Variants in SPON1 observed in about 807,000 individuals in gnomAD.
The protein encoded by SPON1 is spondin-1.
Under a neutral mutation model 111.7 loss-of-function variants are expected in SPON1, and 52 were observed. That is an observed-to-expected ratio of 0.47 (90% CI 0.37 to 0.59). The LOEUF (loss-of-function observed/expected upper bound fraction) is 0.59. Among genes scored for constraint, SPON1 ranks in the 20% least tolerant of loss-of-function variants. The pLI, the probability that SPON1 is intolerant of heterozygous loss-of-function variation, is 0.00. For missense variants in SPON1, 957 were observed against 1,068.5 expected, an observed-to-expected ratio of 0.90 and a Z score of 1.46; for synonymous variants, 410 against 395.8, an observed-to-expected ratio of 1.04 and a Z score of -0.43.
chr11:14,198,164 A>G (rs1554935265), intron 6 of SPON1, among the ~76,000 whole-genome samples: 1 of 152,224 alleles, frequency 6.6e-6, no homozygotes, highest in African/African-American at 2.4e-5. Context: ...TGAAAATCAC[A>G]CATAGTCCTA....
chr11:14,105,784 TCTCA>T (rs1172968613), intron 5 of SPON1, among the ~76,000 whole-genome samples: 10 of 152,200 alleles, frequency 6.6e-5, no homozygotes, highest in Non-Finnish European at 1.3e-4. Context: ...GTTCACAGGC[TCTCA>T]CTCAGACTTC....
chr11:14,198,349 G>A (rs782388663), intron 6 of SPON1, among the ~76,000 whole-genome samples: 13 of 152,194 alleles, frequency 8.5e-5, no homozygotes, highest in South Asian at 2.1e-4. Context: ...CCTTATGACC[G>A]CTCTCAAATC....
intron 2 of SPON1, among the ~76,000 whole-genome samples, chr11:14,036,745 C>T (rs1848597161): frequency 6.6e-6 from 1 of 151,482 alleles, no homozygotes; most frequent in Non-Finnish European, 1.5e-5. Flanking sequence ...GAACCTTGAG[C>T]AAGTTCAAAT....
intron 7 of SPON1, among the ~76,000 whole-genome samples, chr11:14,249,036 G>T (rs1167707218): frequency 6.6e-6 from 1 of 152,164 alleles, no homozygotes; most frequent in African/African-American, 2.4e-5. Flanking sequence ...CCATCATCCA[G>T]TTCCTCCAAT....
At chr11:13,982,799 C>G in intron 1 of SPON1, 48 bp from the exon 2 acceptor site, 1 of 1,284,768 alleles carries the variant, frequency 7.8e-7, no homozygotes, top group Non-Finnish European at 1.1e-6. Context: ...GACAAATGGA[C>G]AATAATTGAT....
intron 2 of SPON1, among the ~76,000 whole-genome samples, chr11:14,036,430 G>A (rs1369768695): frequency 1.3e-5 from 2 of 152,176 alleles, no homozygotes; most frequent in African/African-American, 2.4e-5. Flanking sequence ...AGGCAAGGAA[G>A]AGCCAAGGGT....
At chr11:14,231,696 T>C (rs977479927) in intron 6 of SPON1, among the ~76,000 whole-genome samples, 16 of 152,208 alleles carry the variant, frequency 1.1e-4, no homozygotes, top group African/African-American at 2.7e-4. Flanking sequence ...AATAGATTAC[T>C]ATACAAACTG....
intron 6 of SPON1, among the ~76,000 whole-genome samples, chr11:14,223,919 C>T (rs544154034): frequency 5.3e-5 from 8 of 152,298 alleles, no homozygotes; most frequent in Admixed American, 1.3e-4. Context: ...TTACTGATGA[C>T]GGGCTCTTTT....
At chr11:14,252,218 A>G (rs1444205241) in intron 7 of SPON1, among the ~76,000 whole-genome samples, 3 of 152,286 alleles carry the variant, frequency 2.0e-5, no homozygotes, top group African/African-American at 7.2e-5. Flanking sequence ...GAGAGGGAAC[A>G]GTGAGGAAGT....
chr11:13,970,189 CT>C, intron 1 of SPON1, among the ~76,000 whole-genome samples: 1 of 152,316 alleles, frequency 6.6e-6, no homozygotes, highest in Non-Finnish European at 1.5e-5. Flanking sequence ...AAATGCCCCA[CT>C]TTTACAGAAT....
At chr11:14,035,154 G>A (rs1469095283) in intron 2 of SPON1, among the ~76,000 whole-genome samples, 1 of 152,178 alleles carries the variant, frequency 6.6e-6, no homozygotes, top group African/African-American at 2.4e-5. Flanking sequence ...TTGGTCCAGT[G>A]TATGTGGTTT....
At chr11:14,075,944 G>A (rs1848914308) in intron 4 of SPON1, among the ~76,000 whole-genome samples, 1 of 152,140 alleles carries the variant, frequency 6.6e-6, no homozygotes, top group African/African-American at 2.4e-5. Flanking sequence ...TCTCTCCTTA[G>A]GTTGAAGGTA....
chr11:14,018,865 G>C (rs1348461677), intron 2 of SPON1, among the ~76,000 whole-genome samples: 2 of 152,188 alleles, frequency 1.3e-5, no homozygotes, highest in Non-Finnish European at 2.9e-5. Flanking sequence ...GATTTGAAAA[G>C]AAGCAGCAGC....
At chr11:14,227,148 A>G (rs537540418) in intron 6 of SPON1, among the ~76,000 whole-genome samples, 4 of 152,268 alleles carry the variant, frequency 2.6e-5, no homozygotes, top group African/African-American at 7.2e-5. Context: ...TTACCATGGC[A>G]ATATTCGTTT....
chr11:14,224,975 G>T (rs1848721867), intron 6 of SPON1, among the ~76,000 whole-genome samples: 1 of 152,242 alleles, frequency 6.6e-6, no homozygotes, highest in Non-Finnish European at 1.5e-5. Context: ...TGTAAAGACA[G>T]TGAAGGCAAT....
chr11:14,207,613 C>A (rs148672418), intron 6 of SPON1, among the ~76,000 whole-genome samples: 1 of 151,954 alleles, frequency 6.6e-6, no homozygotes, highest in African/African-American at 2.4e-5. Context: ...TGAAAAAAAA[C>A]CTCAACCTCA....
chr11:14,197,153 A>G (rs1047801603), intron 6 of SPON1, among the ~76,000 whole-genome samples: 2 of 152,208 alleles, frequency 1.3e-5, no homozygotes, highest in Non-Finnish European at 2.9e-5. Flanking sequence ...TTATTTACTG[A>G]AATACTGGTG....
chr11:14,007,473 T>G (rs1848370972), intron 2 of SPON1, among the ~76,000 whole-genome samples: 1 of 152,152 alleles, frequency 6.6e-6, no homozygotes, highest in African/African-American at 2.4e-5. Flanking sequence ...TTTTCACATT[T>G]TCTGCCTGCT....
At chr11:14,174,247 C>T (rs7937636) in intron 6 of SPON1, among the ~76,000 whole-genome samples, 27,034 of 152,152 alleles carry the variant, frequency 0.18, 2,542 homozygotes, top group Admixed American at 0.24. Flanking sequence ...TTGTAATCAC[C>T]CCATCTCTCA....
Sources: allele counts gnomAD v4.1 joint callset (sites outside exome capture counted in the v4.1 genomes callset), GRCh38; gene constraint gnomAD v4.1.1; transcripts MANE v1.5; gene names NCBI Gene and HGNC (gene_info 2026-07-23, HGNC 2026-07-21).